Variants in EPHB2 observed in about 807,000 individuals in gnomAD.
The protein encoded by EPHB2 is EPH receptor B2.
EPHB2 carries 18 observed loss-of-function variants against 96.4 expected under a neutral mutation model. The ratio of observed to expected loss-of-function variants is 0.19; its 90% CI spans 0.13 to 0.28. The LOEUF is 0.28. Among genes scored for constraint, EPHB2 ranks in the 10% least tolerant of loss-of-function variants. EPHB2 has a pLI of 1.00. For missense variants in EPHB2, 989 were observed against 1,355.4 expected (o/e 0.73, Z 4.25); for synonymous variants, 506 against 534.1 (o/e 0.95, Z 0.72).
chr1:22,753,223 C>G lies in EPHB2; in HGVS notation c.62-28198C>G, dbSNP rs1168027065. On this transcript the variant is annotated intron_variant, in intron 1 of 15. Coordinates refer to ENST00000374630, the MANE Select transcript of EPHB2 (RefSeq NM_017449.5). Reference sequence around the variant, plus strand: ...GATTTACAGGCCAGTTTTCCCAAATCTTGGCTGTGTGACCCTGGGCAAGTT... The same window carrying G: ...GATTTACAGGCCAGTTTTCCCAAATGTTGGCTGTGTGACCCTGGGCAAGTT... Among the ~76,000 whole-genome samples the G allele has an allele frequency of 4.6e-5, 7 of 152,334 alleles. No individual in the cohort carries two copies. In the East Asian group the frequency reaches 1.3e-3, roughly 29 times the overall value.
intron 3 of EPHB2, among the ~76,000 whole-genome samples, chr1:22,798,800 T>A (rs1345275919): frequency 1.3e-5 from 2 of 152,056 alleles, no homozygotes; most frequent in South Asian, 4.1e-4. Context: ...TTTGAAGGTT[T>A]GAAGAGGCTC....
At chr1:22,772,441 C>T (rs1570249528) in intron 1 of EPHB2, among the ~76,000 whole-genome samples, 2 of 152,344 alleles carry the variant, frequency 1.3e-5, no homozygotes, top group South Asian at 4.1e-4. Context: ...AAGGATTTTA[C>T]ATTAGCTGGG....
At chr1:22,862,962 G>A (rs902104256) in intron 3 of EPHB2, 75 bp from the exon 4 acceptor site, 20 of 1,599,684 alleles carry the variant, frequency 1.3e-5, no homozygotes, top group East Asian at 6.7e-5. Context: ...TGGCCCCTCC[G>A]TGAGGCTGCG....
At chr1:22,808,411 A>G (rs1644957623) in intron 3 of EPHB2, among the ~76,000 whole-genome samples, 1 of 152,220 alleles carries the variant, frequency 6.6e-6, no homozygotes, top group Non-Finnish European at 1.5e-5. Context: ...GGCAAGTGAG[A>G]GGCCCACAAG....
At chr1:22,725,883 C>A (rs183331970) in intron 1 of EPHB2, among the ~76,000 whole-genome samples, 2 of 152,268 alleles carry the variant, frequency 1.3e-5, no homozygotes, top group Admixed American at 6.5e-5. Context: ...GGGGGAGATG[C>A]AACAGCAGGG....
intron 1 of EPHB2, among the ~76,000 whole-genome samples, chr1:22,742,927 T>C (rs968212115): frequency 6.6e-6 from 1 of 151,746 alleles, no homozygotes; most frequent in African/African-American, 2.4e-5. Context: ...TCTCATACTC[T>C]GTCACTCAGG....
intron 6 of EPHB2, among the ~76,000 whole-genome samples, chr1:22,886,391 G>A (rs1203263135): frequency 1.3e-5 from 2 of 152,126 alleles, no homozygotes; most frequent in African/African-American, 4.8e-5. Flanking sequence ...TCCAGCCTTG[G>A]GAGTCTGGAT....
intron 3 of EPHB2, among the ~76,000 whole-genome samples, chr1:22,798,126 C>T (rs1462036158): frequency 6.6e-6 from 1 of 152,184 alleles, no homozygotes; most frequent in East Asian, 1.9e-4. Context: ...ATTGTATTTC[C>T]AGGTTCTAGG....
chr1:22,815,278 G>A (rs561382145), intron 3 of EPHB2, among the ~76,000 whole-genome samples: 1 of 152,176 alleles, frequency 6.6e-6, no homozygotes, highest in African/African-American at 2.4e-5. Context: ...GGTTGTGGGG[G>A]GTACAGGAGG....
chr1:22,791,509 T>G (rs1360622707), intron 3 of EPHB2, among the ~76,000 whole-genome samples: 1 of 147,302 alleles, frequency 6.8e-6, no homozygotes, highest in African/African-American at 2.5e-5. Context: ...AGAGACAGGA[T>G]CTCACTATGT....
At chr1:22,806,450 G>T (rs1192401999) in intron 3 of EPHB2, among the ~76,000 whole-genome samples, 4 of 151,886 alleles carry the variant, frequency 2.6e-5, no homozygotes, top group Non-Finnish European at 5.9e-5. Flanking sequence ...AACAGTGCTT[G>T]CTGAGTCAAT....
chr1:22,726,554 G>A (rs1281194715), intron 1 of EPHB2, among the ~76,000 whole-genome samples: 2 of 151,944 alleles, frequency 1.3e-5, no homozygotes, highest in Admixed American at 6.6e-5. Flanking sequence ...CTGAGTAGCT[G>A]GGATTTCAGG....
chr1:22,719,831 C>T (rs919611429), intron 1 of EPHB2, among the ~76,000 whole-genome samples: 1 of 152,166 alleles, frequency 6.6e-6, no homozygotes, highest in Non-Finnish European at 1.5e-5. Flanking sequence ...GACTCCACTC[C>T]TGAAAAGCAT....
intron 3 of EPHB2, among the ~76,000 whole-genome samples, chr1:22,862,699 G>GGACCCATGCACACTGCCCCA (rs2148523456): frequency 6.6e-6 from 1 of 152,258 alleles, no homozygotes; most frequent in East Asian, 1.9e-4. Context: ...AGCAAGACCA[G>GGACCCATGCACACTGCCCCA]GACCCATGCA....
At chr1:22,852,088 A>C (rs2148510220) in intron 3 of EPHB2, among the ~76,000 whole-genome samples, 1 of 152,350 alleles carries the variant, frequency 6.6e-6, no homozygotes, top group African/African-American at 2.4e-5. Flanking sequence ...AGAGATCATC[A>C]TATTCTTCCT....
chr1:22,761,210 C>T (rs958040286), intron 1 of EPHB2, among the ~76,000 whole-genome samples: 29 of 152,202 alleles, frequency 1.9e-4, no homozygotes, highest in African/African-American at 6.8e-4. Context: ...TGATGCACAG[C>T]CAGCTGCTAC....
chr1:22,905,044 G>A (rs1639865357), intron 9 of EPHB2, among the ~76,000 whole-genome samples: 1 of 152,210 alleles, frequency 6.6e-6, no homozygotes, highest in African/African-American at 2.4e-5. Context: ...GGGAGGACTG[G>A]GAGGTCTGGA....
At chr1:22,719,676 C>G (rs1403359549) in intron 1 of EPHB2, 1 of 152,194 alleles carries the variant, frequency 6.6e-6, no homozygotes, top group East Asian at 1.9e-4. Flanking sequence ...AATTGCATGG[C>G]TTCCCGAGCC....
rs1336614355 is a variant in EPHB2, at chr1:22,875,548, G to A, written c.1304-6811G>A. On this transcript the variant is annotated intron_variant, in intron 5 of 15. Coordinates refer to ENST00000374630, the MANE Select transcript of EPHB2 (RefSeq NM_017449.5). The surrounding 1 kb of genome is among the most constrained non-coding windows in gnomAD (Gnocchi z 4.2). ...GCCAGCCCACAAGGTCGGTAGACTC[G>A]GGTTCCTGAGGGCGCCAGAAAAGGG... Among the ~76,000 whole-genome samples, 3 of 152,118 alleles carry A rather than the reference G, an allele frequency of 2.0e-5. No homozygotes were observed. Among genetic ancestry groups the A allele is most frequent in the African/African-American group, 7.2e-5 (3 of 41,422 alleles).
Sources: allele counts gnomAD v4.1 joint callset (sites outside exome capture counted in the v4.1 genomes callset), GRCh38; gene constraint gnomAD v4.1.1; non-coding constraint Gnocchi (gnomAD v3.1); transcripts MANE v1.5; gene names NCBI Gene and HGNC (gene_info 2026-07-23, HGNC 2026-07-21).